The following TNPO1 variants were observed in gnomAD, a reference collection of about 807,000 sequenced individuals.
The protein encoded by TNPO1 is transportin 1.
A neutral mutation model predicts 119.5 loss-of-function variants in TNPO1; 8 were observed. The ratio of observed to expected loss-of-function variants is 0.07; its 90% CI spans 0.04 to 0.12. The LOEUF is 0.12. Among genes scored for constraint, TNPO1 ranks in the 10% least tolerant of loss-of-function variants. The pLI is 1.00. For synonymous variants in TNPO1, 362 were observed against 363.0 expected (o/e 1.00, Z 0.03); for missense variants, 576 against 1,089.8 (o/e 0.53, Z 6.64).
chr5:72,855,969 T>A, intron 4 of TNPO1, 46 bp downstream of exon 4: 1 of 1,583,552 alleles, frequency 6.3e-7, no homozygotes, highest in Non-Finnish European at 8.7e-7. Context: ...TGTAACTGGG[T>A]CATTTTTAGA....
chr5:72,870,758 G>A (rs1747329064), intron 6 of TNPO1, among the ~76,000 whole-genome samples: 1 of 152,134 alleles, frequency 6.6e-6, no homozygotes, highest in Non-Finnish European at 1.5e-5. Context: ...GTTGGGGATA[G>A]GAGAGATTTC....
chr5:72,836,001 T>C (rs1744678753), intron 1 of TNPO1, among the ~76,000 whole-genome samples: 1 of 152,190 alleles, frequency 6.6e-6, no homozygotes, highest in African/African-American at 2.4e-5. Context: ...TGGGTAGGGG[T>C]TGGGCCCCCA....
intron 5 of TNPO1, 63 bp downstream of exon 5, chr5:72,861,977 A>G (rs1746490553): frequency 3.1e-6 from 4 of 1,309,596 alleles, no homozygotes; most frequent in Non-Finnish European, 4.4e-6. Flanking sequence ...GTTGTGTATT[A>G]GCAGCTTTTG....
intron 13 of TNPO1, among the ~76,000 whole-genome samples, chr5:72,889,241 A>C (rs1748876921): frequency 6.6e-6 from 1 of 152,030 alleles, no homozygotes; most frequent in African/African-American, 2.4e-5. Context: ...TATTTTTAGT[A>C]GAGATGGGGT....
Position 72,875,681 on chromosome 5 carries a change from A to ATGT in TNPO1, c.748_750dup (p.Leu251dup). 1 of 1,613,568 alleles carries ATGT rather than the reference A, an allele frequency of 6.2e-7. No homozygotes were observed. Among genetic ancestry groups the ATGT allele is most frequent in the South Asian group, 1.1e-5 (1 of 91,060 alleles). On this transcript the variant is annotated inframe_insertion, in exon 8 of 25. Transcript: ENST00000337273. Reference sequence around the variant, plus strand: ...GAAAAATGTGTGCCGAGCACTTGTGATGTTGCTCGAAGTTCGAATGGATCG... The same window carrying ATGT: ...GAAAAATGTGTGCCGAGCACTTGTGATGTTGTTGCTCGAAGTTCGAATGGATCG...
intron 13 of TNPO1, among the ~76,000 whole-genome samples, chr5:72,888,806 C>T (rs1748843856): frequency 6.6e-6 from 1 of 152,156 alleles, no homozygotes; most frequent in Non-Finnish European, 1.5e-5. Flanking sequence ...TGTCACTTAC[C>T]AGTTAAAGGT....
At chr5:72,865,853 T>C in intron 6 of TNPO1, 124 bp downstream of exon 6, 2 of 1,026,260 alleles carry the variant, frequency 1.9e-6, no homozygotes, top group Admixed American at 3.0e-5. Context: ...TCCAGAGAGG[T>C]GAACTTATGT....
chr5:72,855,720 C>T (rs1580401044), intron 3 of TNPO1, 54 bp from the exon 4 acceptor site: 1 of 1,442,972 alleles, frequency 6.9e-7, no homozygotes, highest in Non-Finnish European at 9.4e-7. Flanking sequence ...CTTATCGGCA[C>T]ATTTTGAAAT....
chr5:72,903,582 T>G (rs2112498384), intron 22 of TNPO1, 127 bp from the exon 23 acceptor site: 1 of 639,424 alleles, frequency 1.6e-6, no homozygotes, highest in Admixed American at 3.1e-5. Context: ...TGATCATAGT[T>G]AATTTTTAAA....
chr5:72,896,495 A>G lies in TNPO1; in HGVS notation c.2181A>G (p.Pro727=), dbSNP rs1292554075. The change falls in exon 19 of 25, where the codon CCA becomes CCG. Residue 727 remains proline, a synonymous_variant. Coordinates refer to ENST00000337273, the MANE Select transcript of TNPO1 (RefSeq NM_002270.4). ...CAATATTGGGAACCAACCTAAATCC[A>G]GAATTCATTTCAGTCTGCAACAATG... ...FMPILGTNLN[P]EFISVCNNAT... The G allele has an allele frequency of 1.2e-6, 2 of 1,612,184 alleles. No individual in the cohort carries two copies. The highest frequency in any genetic ancestry group is 1.1e-5 in the South Asian group (1 of 90,986).
chr5:72,901,106 C>T (rs1561360549), intron 22 of TNPO1, 33 bp downstream of exon 22: 3 of 1,397,308 alleles, frequency 2.1e-6, no homozygotes. Flanking sequence ...TTTTTAATGT[C>T]TAATTAATAA....
chr5:72,848,198 A>C (rs1050892641), intron 1 of TNPO1, 187 bp from the exon 2 acceptor site: 13 of 1,233,660 alleles, frequency 1.1e-5, no homozygotes, highest in African/African-American at 1.6e-5. Flanking sequence ...GGCTGCCAGG[A>C]GCAGTTCCGC....
At chr5:72,873,021 C>G (rs1243216910) in intron 7 of TNPO1, among the ~76,000 whole-genome samples, 1 of 151,932 alleles carries the variant, frequency 6.6e-6, no homozygotes, top group East Asian at 1.9e-4. Context: ...ATATACTGTT[C>G]AAATTGCATA....
intron 11 of TNPO1, among the ~76,000 whole-genome samples, chr5:72,884,872 CACAA>C (rs537369215): frequency 1.0e-3 from 155 of 152,290 alleles, no homozygotes; most frequent in African/African-American, 3.6e-3. Flanking sequence ...ATGCCAGCAG[CACAA>C]ACACAGTTGT....
rs1390559594 is a variant in TNPO1, at chr5:72,909,516, AC to A, written c.*844del. ...GATTTAATTTCTAGGCCAAGATGTTACTTTTTAAAGTGCAGTTTAAGGTTCA... is the reference window on the plus strand; with the variant it reads ...GATTTAATTTCTAGGCCAAGATGTTATTTTTAAAGTGCAGTTTAAGGTTCA... On this transcript the variant is annotated 3_prime_UTR_variant, in exon 25 of 25. Transcript: ENST00000337273. 1 of 152,196 alleles carries A rather than the reference AC, an allele frequency of 6.6e-6. No individual in the cohort carries two copies. The highest frequency in any genetic ancestry group is 2.4e-5 in the African/African-American group (1 of 41,456). 9.4% of individuals were successfully genotyped at this position (152,196 alleles called of 1,614,324 possible).
At chr5:72,870,831 G>T (rs552507600) in intron 6 of TNPO1, among the ~76,000 whole-genome samples, 1 of 152,222 alleles carries the variant, frequency 6.6e-6, no homozygotes, top group Admixed American at 6.5e-5. Context: ...TTCTGTTCTT[G>T]ATTTAAAGGC....
intron 3 of TNPO1, among the ~76,000 whole-genome samples, chr5:72,852,936 C>G (rs1184108240): frequency 6.6e-6 from 1 of 152,066 alleles, no homozygotes; most frequent in Non-Finnish European, 1.5e-5. Flanking sequence ...TGTGATCAAC[C>G]TGTTTGTTTC....
chr5:72,841,098 C>T (rs545830286), intron 1 of TNPO1, among the ~76,000 whole-genome samples: 1 of 150,838 alleles, frequency 6.6e-6, no homozygotes, highest in East Asian at 2.0e-4. Flanking sequence ...GATCCATAAC[C>T]TCTGGTTTTA....
intron 6 of TNPO1, among the ~76,000 whole-genome samples, chr5:72,868,318 G>T (rs965749372): frequency 1.3e-5 from 2 of 149,286 alleles, no homozygotes; most frequent in Admixed American, 1.4e-4. Flanking sequence ...TGTAGTCCCA[G>T]CAACTCGGGA....
Sources: gnomAD v4.1 joint callset for allele counts (sites outside exome capture counted in the v4.1 genomes callset) on GRCh38, gnomAD v4.1.1 for gene constraint, MANE v1.5 for transcripts, NCBI Gene and HGNC (gene_info 2026-07-23, HGNC 2026-07-21) for gene names.